Variants in ADCY2 observed in about 807,000 individuals in gnomAD.
ADCY2 encodes the protein adenylate cyclase 2.
In ADCY2, 31 loss-of-function variants were observed where a neutral mutation model predicts 125.2. That is an observed-to-expected ratio of 0.25 (90% CI 0.19 to 0.33). The LOEUF (loss-of-function observed/expected upper bound fraction) is 0.33. Among genes scored for constraint, ADCY2 ranks in the 10% least tolerant of loss-of-function variants. The pLI, the probability that ADCY2 is intolerant of heterozygous loss-of-function variation, is 1.00. For synonymous variants in ADCY2, 512 were observed against 548.4 expected, an observed-to-expected ratio of 0.93 and a Z score of 0.93; for missense variants, 904 against 1,418.2, an observed-to-expected ratio of 0.64 and a Z score of 5.82.
chr5:7,753,392 A>G (rs966267988), intron 15 of ADCY2, among the ~76,000 whole-genome samples: 2 of 152,190 alleles, frequency 1.3e-5, no homozygotes, highest in Non-Finnish European at 2.9e-5. Context: ...GATGTGGTTG[A>G]AATTATGCCA....
chr5:7,573,732 CT>C (rs540928699), intron 3 of ADCY2, among the ~76,000 whole-genome samples: 6 of 149,040 alleles, frequency 4.0e-5, no homozygotes, highest in African/African-American at 9.9e-5. Context: ...CTTTTAAACT[CT>C]TTTTTTTGTT....
intron 4 of ADCY2, among the ~76,000 whole-genome samples, chr5:7,631,552 ACT>A (rs2126663814): frequency 1.3e-5 from 2 of 152,212 alleles, no homozygotes; most frequent in East Asian, 3.9e-4. Context: ...GACGTGAAGG[ACT>A]CTCTGATGGA....
intron 4 of ADCY2, among the ~76,000 whole-genome samples, chr5:7,681,800 C>A (rs565918783): frequency 1.3e-5 from 2 of 152,240 alleles, no homozygotes; most frequent in African/African-American, 4.8e-5. Context: ...AAAGGGGGGC[C>A]ATTGTCCCCA....
intron 2 of ADCY2, among the ~76,000 whole-genome samples, chr5:7,445,249 G>A (rs1038638750): frequency 2.0e-5 from 3 of 152,132 alleles, no homozygotes; most frequent in Non-Finnish European, 2.9e-5. Context: ...ATTTGTCCCC[G>A]TGGGAAGTGT....
At chr5:7,801,897 C>T in intron 20 of ADCY2, 3 of 230,000 alleles carry the variant, frequency 1.3e-5, no homozygotes, top group African/African-American at 2.2e-5. Flanking sequence ...ATTTTGTTTC[C>T]CTTCAGTTGT....
At chr5:7,479,194 A>T (rs1303657763) in intron 2 of ADCY2, among the ~76,000 whole-genome samples, 1 of 151,796 alleles carries the variant, frequency 6.6e-6, no homozygotes, top group East Asian at 1.9e-4. Flanking sequence ...GTCTGGAATA[A>T]AAGTATAACT....
intron 3 of ADCY2, among the ~76,000 whole-genome samples, chr5:7,602,107 A>AT: frequency 6.6e-6 from 1 of 152,208 alleles, no homozygotes; most frequent in East Asian, 1.9e-4. Flanking sequence ...TTGTCATTGG[A>AT]TTTTGGGTCC....
At chr5:7,807,410 C>T (rs1266053304) in intron 22 of ADCY2, among the ~76,000 whole-genome samples, 2 of 152,212 alleles carry the variant, frequency 1.3e-5, no homozygotes, top group East Asian at 3.8e-4. Context: ...AAAAACACTT[C>T]CAGATTCCAA....
intron 2 of ADCY2, among the ~76,000 whole-genome samples, chr5:7,416,050 G>T (rs1294592398): frequency 6.6e-6 from 1 of 152,108 alleles, no homozygotes; most frequent in African/African-American, 2.4e-5. Context: ...CTGTAGGGAG[G>T]GTTTCCAGGG....
intron 3 of ADCY2, among the ~76,000 whole-genome samples, chr5:7,583,887 G>A (rs1018073471): frequency 2.6e-5 from 4 of 152,224 alleles, no homozygotes; most frequent in African/African-American, 9.6e-5. Flanking sequence ...CTGGAATACA[G>A]CTGAGAAGTA....
At chr5:7,706,719 A>G (rs751250778) in intron 7 of ADCY2, 25 bp from the exon 8 acceptor site, 1 of 1,612,810 alleles carries the variant, frequency 6.2e-7, no homozygotes, top group Admixed American at 1.7e-5. Flanking sequence ...TTACTTGATC[A>G]TGATCTTACT....
At chr5:7,558,851 A>AT (rs969147367) in intron 3 of ADCY2, among the ~76,000 whole-genome samples, 1 of 152,038 alleles carries the variant, frequency 6.6e-6, no homozygotes, top group African/African-American at 2.4e-5. Context: ...TCTTGAGTTA[A>AT]TTTTTTTGTG....
intron 4 of ADCY2, among the ~76,000 whole-genome samples, chr5:7,658,974 A>G (rs1739436964): frequency 6.6e-6 from 1 of 152,244 alleles, no homozygotes; most frequent in Non-Finnish European, 1.5e-5. Flanking sequence ...AGAAACATCT[A>G]GAAAAATGCT....
chr5:7,592,970 A>G (rs914853028), intron 3 of ADCY2, among the ~76,000 whole-genome samples: 1 of 152,170 alleles, frequency 6.6e-6, no homozygotes, highest in African/African-American at 2.4e-5. Context: ...GTTGTATGTG[A>G]TAGAATGCAT....
chr5:7,443,418 C>T (rs1256975803), intron 2 of ADCY2, among the ~76,000 whole-genome samples: 1 of 151,502 alleles, frequency 6.6e-6, no homozygotes, highest in African/African-American at 2.4e-5. Context: ...TTTGGGAGGC[C>T]GAGGCGGGTG....
chr5:7,418,645 C>CTGTTTTTT lies in ADCY2; in HGVS notation c.408+3877_408+3884dup, dbSNP rs1554007108. Among the ~76,000 whole-genome samples the CTGTTTTTT allele has an allele frequency of 6.1e-3, 565 of 92,506 alleles. 36 individuals carry two copies. Among genetic ancestry groups the CTGTTTTTT allele is most frequent in the African/African-American group, 0.028 (545 of 19,626 alleles). The allele number at this position is 92,506 out of a possible 152,430, so 60.7% of individuals were successfully genotyped here. On this transcript the variant is annotated intron_variant, in intron 2 of 24. Transcript: ENST00000338316. Reference sequence around the variant, plus strand: ...GAAATTAAAAACAAAAGTCTACCTTCTGTTTTTTTTTTTTTTTTTTTTTTT... The same window carrying CTGTTTTTT: ...GAAATTAAAAACAAAAGTCTACCTTCTGTTTTTTTGTTTTTTTTTTTTTTTTTTTTTTT...
chr5:7,616,778 G>A (rs1485236785), intron 3 of ADCY2, among the ~76,000 whole-genome samples: 2 of 152,102 alleles, frequency 1.3e-5, no homozygotes, highest in African/African-American at 4.8e-5. Context: ...TATGTTGAAG[G>A]CTAACCACCT....
chr5:7,440,206 C>G (rs1740960396), intron 2 of ADCY2, among the ~76,000 whole-genome samples: 2 of 152,126 alleles, frequency 1.3e-5, no homozygotes, highest in South Asian at 4.1e-4. Flanking sequence ...TCTATCCAGT[C>G]AAGATGAGGA....
intron 2 of ADCY2, among the ~76,000 whole-genome samples, chr5:7,418,801 A>G (rs1365225076): frequency 6.6e-6 from 1 of 151,700 alleles, no homozygotes; most frequent in Non-Finnish European, 1.5e-5. Flanking sequence ...GATTATAGGC[A>G]CGTGCCACCA....
Sources: allele counts gnomAD v4.1 joint callset (sites outside exome capture counted in the v4.1 genomes callset), GRCh38; gene constraint gnomAD v4.1.1; transcripts MANE v1.5; gene names NCBI Gene and HGNC (gene_info 2026-07-23, HGNC 2026-07-21).